Variants in GALNTL6 observed in about 807,000 individuals in gnomAD.
GALNTL6 encodes polypeptide N-acetylgalactosaminyltransferase like 6.
A neutral mutation model predicts 73.7 loss-of-function variants in GALNTL6; 46 were observed. The observed-to-expected ratio is 0.62, with a 90% CI of 0.49 to 0.80. The LOEUF is 0.80. Ranked by LOEUF, GALNTL6 falls within the 30% of genes least tolerant of loss-of-function variation. The pLI, the probability that GALNTL6 is intolerant of heterozygous loss-of-function variation, is 0.00. For missense variants in GALNTL6, 604 were observed against 755.0 expected (o/e 0.80, Z 2.34); for synonymous variants, 259 against 263.7 (o/e 0.98, Z 0.17).
rs1396183762 is a variant in GALNTL6 at position 172,379,556 on chromosome 4, A to AC, written c.553+30867_553+30868insC. ...CGTCTCAAAAAAAAAAAAAAAAAAAAAGAACGGGTTAGCTGCTTTTAATCA... is the reference window on the plus strand; with the variant it reads ...CGTCTCAAAAAAAAAAAAAAAAAAAACAGAACGGGTTAGCTGCTTTTAATCA... On this transcript the variant is annotated intron_variant, in intron 5 of 12. Transcript: ENST00000506823. 5.4e-3 allele frequency among the ~76,000 whole-genome samples: 779 copies of AC among 143,882 alleles called. 32 individuals carry two copies. Among genetic ancestry groups the AC allele is most frequent in the African/African-American group, 0.019 (724 of 38,466 alleles). The allele number at this position is 143,882 out of a possible 152,430, so 94.4% of individuals were successfully genotyped here. A position where few individuals can be genotyped will look rare whatever the true frequency, so the allele number is the denominator to read the frequency against.
At chr4:172,723,253 A>G (rs1033866079) in intron 5 of GALNTL6, among the ~76,000 whole-genome samples, 1 of 152,186 alleles carries the variant, frequency 6.6e-6, no homozygotes, top group African/African-American at 2.4e-5. Context: ...CACTGGTGCT[A>G]GAGATGAGAA....
At chr4:171,989,979 A>AG (rs1740285945) in intron 2 of GALNTL6, among the ~76,000 whole-genome samples, 1 of 152,146 alleles carries the variant, frequency 6.6e-6, no homozygotes, top group Admixed American at 6.5e-5. Context: ...ATTGCTGGGC[A>AG]GGTGGGGGAG....
At chr4:171,953,021 A>G (rs1180637422) in intron 2 of GALNTL6, among the ~76,000 whole-genome samples, 1 of 152,194 alleles carries the variant, frequency 6.6e-6, no homozygotes, top group Admixed American at 6.5e-5. Flanking sequence ...TAGCATTTAC[A>G]ATGAAAATTA....
At chr4:172,329,586 C>G (rs201166263) in intron 4 of GALNTL6, among the ~76,000 whole-genome samples, 1 of 152,054 alleles carries the variant, frequency 6.6e-6, no homozygotes, top group Non-Finnish European at 1.5e-5. Context: ...GACCTCAGTA[C>G]AGAGATCCCA....
chr4:172,403,025 T>A (rs559252413), intron 5 of GALNTL6, among the ~76,000 whole-genome samples: 1 of 152,184 alleles, frequency 6.6e-6, no homozygotes, highest in South Asian at 2.1e-4. Flanking sequence ...TATCTTCACA[T>A]AATTTGTAGA....
intron 2 of GALNTL6, among the ~76,000 whole-genome samples, chr4:171,916,763 T>C (rs1194365418): frequency 6.6e-6 from 1 of 152,136 alleles, no homozygotes; most frequent in East Asian, 1.9e-4. Context: ...GGAATTATAA[T>C]ATGTTCTGGA....
intron 10 of GALNTL6, among the ~76,000 whole-genome samples, chr4:173,008,596 T>C (rs1752399012): frequency 6.6e-6 from 1 of 152,226 alleles, no homozygotes; most frequent in Non-Finnish European, 1.5e-5. Context: ...ACCTCAAATC[T>C]GTCTCCCCAA....
chr4:172,148,126 A>G (rs1043449904), intron 2 of GALNTL6, among the ~76,000 whole-genome samples: 2 of 152,208 alleles, frequency 1.3e-5, no homozygotes, highest in East Asian at 3.8e-4. Flanking sequence ...ACATTACAGT[A>G]TAAATTAAGC....
chr4:172,402,346 G>A (rs187912046), intron 5 of GALNTL6, among the ~76,000 whole-genome samples: 40 of 152,056 alleles, frequency 2.6e-4, no homozygotes, highest in African/African-American at 8.7e-4. Flanking sequence ...ACAGAATGAT[G>A]TATAAACCTG....
intron 5 of GALNTL6, among the ~76,000 whole-genome samples, chr4:172,616,617 T>G (rs1414888144): frequency 7.1e-6 from 1 of 141,304 alleles, no homozygotes; most frequent in Non-Finnish European, 1.5e-5. Context: ...GTAGAAAGAG[T>G]GGGAAAAGAA....
At chr4:172,338,841 C>T (rs1176676874) in intron 4 of GALNTL6, among the ~76,000 whole-genome samples, 7 of 152,146 alleles carry the variant, frequency 4.6e-5, no homozygotes, top group African/African-American at 1.4e-4. Flanking sequence ...AGAAATGTGC[C>T]TACGACTGGC....
At chr4:172,071,443 G>A (rs1456078394) in intron 2 of GALNTL6, among the ~76,000 whole-genome samples, 2 of 110,202 alleles carry the variant, frequency 1.8e-5, no homozygotes, top group Admixed American at 9.4e-5. Context: ...TGTGTCTTAC[G>A]TTAGCTTGTC....
At chr4:172,626,188 A>C (rs554898975) in intron 5 of GALNTL6, among the ~76,000 whole-genome samples, 1 of 152,114 alleles carries the variant, frequency 6.6e-6, no homozygotes, top group East Asian at 1.9e-4. Flanking sequence ...CTTGAGTTCA[A>C]TTTTATGTAT....
At chr4:172,162,941 T>C (rs768328591) in intron 2 of GALNTL6, among the ~76,000 whole-genome samples, 4 of 152,040 alleles carry the variant, frequency 2.6e-5, no homozygotes, top group Non-Finnish European at 5.9e-5. Flanking sequence ...GAACACCCTA[T>C]TTTGTGCAAT....
intron 2 of GALNTL6, among the ~76,000 whole-genome samples, chr4:172,214,695 A>G (rs1030017643): frequency 1.3e-5 from 2 of 151,728 alleles, no homozygotes; most frequent in African/African-American, 4.8e-5. Flanking sequence ...TTGTATTTTT[A>G]GTAGAGACAG....
intron 5 of GALNTL6, among the ~76,000 whole-genome samples, chr4:172,366,452 T>A (rs1404579767): frequency 6.6e-6 from 1 of 152,146 alleles, no homozygotes; most frequent in Non-Finnish European, 1.5e-5. Flanking sequence ...TTATTCCTTC[T>A]CTTGGAATTA....
At chr4:172,779,128 G>A (rs1461776856) in intron 5 of GALNTL6, among the ~76,000 whole-genome samples, 1 of 151,986 alleles carries the variant, frequency 6.6e-6, no homozygotes, top group Non-Finnish European at 1.5e-5. Flanking sequence ...AGCCTACAGG[G>A]GTACCTAGGA....
chr4:172,605,978 G>A (rs1466423507), intron 5 of GALNTL6, among the ~76,000 whole-genome samples: 1 of 150,500 alleles, frequency 6.6e-6, no homozygotes, highest in Non-Finnish European at 1.5e-5. Context: ...TGAATTCCTG[G>A]TGGCTCCACC....
At chr4:172,063,298 T>G (rs1198187064) in intron 2 of GALNTL6, among the ~76,000 whole-genome samples, 2 of 152,172 alleles carry the variant, frequency 1.3e-5, no homozygotes, top group African/African-American at 4.8e-5. Context: ...TGTTTCAATA[T>G]AGTAAGTCTC....
Sources: gnomAD v4.1 joint callset for allele counts (sites outside exome capture counted in the v4.1 genomes callset) on GRCh38, gnomAD v4.1.1 for gene constraint, MANE v1.5 for transcripts, NCBI Gene and HGNC (gene_info 2026-07-23, HGNC 2026-07-21) for gene names.